FRMPD1: variants seen among roughly 807,000 people sequenced by gnomAD.
FRMPD1 encodes the protein FERM and PDZ domain containing 1, also known as FERM and PDZ domain-containing protein 1.
In FRMPD1, 76 loss-of-function variants were observed where a neutral mutation model predicts 117.8. The observed-to-expected ratio is 0.65, with a 90% CI of 0.54 to 0.78. FRMPD1 has a LOEUF of 0.78. FRMPD1 is among the 30% of genes least tolerant of loss of function. The pLI is 0.00. For synonymous variants in FRMPD1, 783 were observed against 770.4 expected (o/e 1.02, Z -0.27); for missense variants, 1,786 against 1,964.5 (o/e 0.91, Z 1.72).
At chr9:37,614,661 A>G in the FRMPD1 span, among the ~76,000 whole-genome samples, 3 of 152,240 alleles carry the variant, frequency 2.0e-5, no homozygotes, top group African/African-American at 7.2e-5. Flanking sequence ...GTCTAGGCTT[A>G]CAAGGCTAAT....
the FRMPD1 span, among the ~76,000 whole-genome samples, chr9:37,632,633 C>A: frequency 6.6e-6 from 1 of 152,084 alleles, no homozygotes; most frequent in South Asian, 2.1e-4. Context: ...AGAGAAAAAA[C>A]CTTTTTGTGA....
chr9:37,654,169 T>C (rs1330134687), intron 1 of FRMPD1, among the ~76,000 whole-genome samples: 1 of 152,216 alleles, frequency 6.6e-6, no homozygotes, highest in Non-Finnish European at 1.5e-5. Context: ...GTTTATATTC[T>C]AGTTGGAGAA....
chr9:37,628,023 A>C, the FRMPD1 span, among the ~76,000 whole-genome samples: 1 of 152,360 alleles, frequency 6.6e-6, no homozygotes, highest in African/African-American at 2.4e-5. Context: ...ATTTAAAAGC[A>C]GAATAAGGCT....
the FRMPD1 span, among the ~76,000 whole-genome samples, chr9:37,628,512 T>C: frequency 4.6e-5 from 7 of 152,126 alleles, no homozygotes; most frequent in African/African-American, 1.7e-4. Context: ...ACAGAAATAA[T>C]AGTTTTGATG....
intron 1 of FRMPD1, among the ~76,000 whole-genome samples, chr9:37,685,511 G>T (rs959625641): frequency 6.6e-6 from 1 of 152,048 alleles, no homozygotes; most frequent in African/African-American, 2.4e-5. Context: ...ATTTAGCCGG[G>T]CGTGGTGGCG....
intron 10 of FRMPD1, among the ~76,000 whole-genome samples, chr9:37,733,043 T>C (rs771160821): frequency 6.6e-6 from 1 of 152,216 alleles, no homozygotes; most frequent in Non-Finnish European, 1.5e-5. Context: ...TCTGTAGTTT[T>C]AGCAATTTTC....
intron 4 of FRMPD1, among the ~76,000 whole-genome samples, chr9:37,709,523 C>G (rs149878630): frequency 6.6e-6 from 1 of 151,428 alleles, no homozygotes; most frequent in East Asian, 1.9e-4. Flanking sequence ...CCACTGCACT[C>G]CAGCCTGGGT....
At chr9:37,652,308 G>A (rs921630433) in intron 1 of FRMPD1, among the ~76,000 whole-genome samples, 2 of 152,206 alleles carry the variant, frequency 1.3e-5, no homozygotes, top group African/African-American at 2.4e-5. Context: ...TACGGTTAAG[G>A]AGCCAAGTTC....
At chr9:37,727,713 G>A (rs1425450141) in intron 7 of FRMPD1, among the ~76,000 whole-genome samples, 1 of 150,098 alleles carries the variant, frequency 6.7e-6, no homozygotes, top group Non-Finnish European at 1.5e-5. Flanking sequence ...GTTATGGGGG[G>A]TGATGAACAA....
At chr9:37,608,549 C>T in the FRMPD1 span, among the ~76,000 whole-genome samples, 1 of 151,750 alleles carries the variant, frequency 6.6e-6, no homozygotes, top group Non-Finnish European at 1.5e-5. Context: ...CACTATGTTG[C>T]CCAGGCTGGA....
At chr9:37,613,101 T>A in the FRMPD1 span, among the ~76,000 whole-genome samples, 11 of 152,312 alleles carry the variant, frequency 7.2e-5, no homozygotes, top group South Asian at 2.3e-3. Context: ...TCAAAAATAA[T>A]TTATTGATTA....
intron 15 of FRMPD1, among the ~76,000 whole-genome samples, chr9:37,741,365 G>T (rs1225711219): frequency 1.3e-5 from 2 of 151,494 alleles, no homozygotes; most frequent in African/African-American, 2.4e-5. Context: ...AGGGGATCTG[G>T]TGGCTGTGTT....
chr9:37,666,114 T>C (rs979526838), intron 1 of FRMPD1, among the ~76,000 whole-genome samples: 3 of 152,178 alleles, frequency 2.0e-5, no homozygotes, highest in Non-Finnish European at 2.9e-5. Context: ...CTGGTCTCCG[T>C]GTGGGGCAGA....
At chr9:37,668,788 A>G (rs1821252086) in intron 1 of FRMPD1, among the ~76,000 whole-genome samples, 1 of 152,236 alleles carries the variant, frequency 6.6e-6, no homozygotes, top group African/African-American at 2.4e-5. Context: ...AGTGTTCATA[A>G]TCGCAATTTA....
intron 7 of FRMPD1, among the ~76,000 whole-genome samples, chr9:37,727,084 G>A (rs1270600082): frequency 6.6e-6 from 1 of 152,202 alleles, no homozygotes; most frequent in African/African-American, 2.4e-5. Flanking sequence ...GGGCTTGTGG[G>A]CAGAGTGCAT....
intron 1 of FRMPD1, among the ~76,000 whole-genome samples, chr9:37,675,106 G>A (rs1023100279): frequency 2.6e-5 from 4 of 152,078 alleles, no homozygotes; most frequent in African/African-American, 7.2e-5. Context: ...CAGGGAGACC[G>A]GGTGCTACAA....
chr9:37,653,705 C>T (rs189130437), intron 1 of FRMPD1, among the ~76,000 whole-genome samples: 13 of 152,232 alleles, frequency 8.5e-5, no homozygotes, highest in South Asian at 4.1e-4. Flanking sequence ...TAGCTGGGAG[C>T]GGGGTACTGG....
chr9:37,741,966 A>G (rs542260271), intron 15 of FRMPD1, among the ~76,000 whole-genome samples: 1 of 152,272 alleles, frequency 6.6e-6, no homozygotes, highest in African/African-American at 2.4e-5. Flanking sequence ...ATGTTCTTGC[A>G]TTACCTGGGG....
chr9:37,645,548 C>T, the FRMPD1 span, among the ~76,000 whole-genome samples: 791 of 152,192 alleles, frequency 5.2e-3, 7 homozygotes, highest in Non-Finnish European at 8.4e-3. Flanking sequence ...TTTGAGAGAA[C>T]GACTATGATA....
Sources: allele counts gnomAD v4.1 joint callset (sites outside exome capture counted in the v4.1 genomes callset), GRCh38; gene constraint gnomAD v4.1.1; transcripts MANE v1.5; gene names NCBI Gene and HGNC (gene_info 2026-07-23, HGNC 2026-07-21).